The following HDAC4 variants were observed in gnomAD, a reference collection of about 807,000 sequenced individuals.
HDAC4 encodes histone deacetylase A.
HDAC4 carries 16 observed loss-of-function variants against 135.1 expected under a neutral mutation model. That is an observed-to-expected ratio of 0.12 (90% CI 0.08 to 0.18). The LOEUF (loss-of-function observed/expected upper bound fraction) is 0.18, where lower values mean the gene tolerates loss of function less well. HDAC4 is among the 10% of genes least tolerant of loss of function. The pLI is 1.00. For synonymous variants in HDAC4, 685 were observed against 653.4 expected, an observed-to-expected ratio of 1.05 and a Z score of -0.74; for missense variants, 1,143 against 1,511.8, an observed-to-expected ratio of 0.76 and a Z score of 4.05.
chr2:239,178,221 T>C (rs2043897199), intron 4 of HDAC4, among the ~76,000 whole-genome samples: 1 of 152,198 alleles, frequency 6.6e-6, no homozygotes. Context: ...CCGGTCATGG[T>C]CTGTCTGCTG....
intron 2 of HDAC4, among the ~76,000 whole-genome samples, chr2:239,282,818 C>A (rs1477951937): frequency 6.6e-6 from 1 of 151,354 alleles, no homozygotes; most frequent in African/African-American, 2.4e-5. Context: ...ACTCTACACA[C>A]AATGTACACA....
chr2:239,124,520 C>T (rs1221964327), intron 12 of HDAC4, among the ~76,000 whole-genome samples: 4 of 152,172 alleles, frequency 2.6e-5, no homozygotes, highest in African/African-American at 7.2e-5. Context: ...TATGACATTC[C>T]GGCGTGCCGG....
intron 4 of HDAC4, among the ~76,000 whole-genome samples, chr2:239,181,399 G>A (rs2044141020): frequency 1.3e-5 from 2 of 152,262 alleles, no homozygotes; most frequent in East Asian, 3.9e-4. Flanking sequence ...GGAGGCCTGG[G>A]TGGGCCGAGG....
chr2:239,079,663 G>A lies in HDAC4; in HGVS notation c.2750+1432C>T, dbSNP rs183256526. ...TCCTTGTGAAGGGCCTCACCTGCCG[G>A]AGACGTGCATACTCAGGTGCACACG... On this transcript the variant is annotated intron_variant, in intron 22 of 26. Transcript: ENST00000543185. 3.4e-3 allele frequency among the ~76,000 whole-genome samples: 519 copies of A among 152,350 alleles called. 4 individuals carry two copies. Among genetic ancestry groups the A allele is most frequent in the Middle Eastern group, 0.01 (3 of 294 alleles).
At position 239,130,605 on chromosome 2, in the gene HDAC4, G is replaced by C. The variant is rs572838971; in HGVS notation, c.1294+3640C>G. Among the ~76,000 whole-genome samples the C allele has an allele frequency of 1.5e-3, 215 of 139,084 alleles. 1 individual carries two copies. Among genetic ancestry groups the C allele is most frequent in the African/African-American group, 4.9e-3 (197 of 40,246 alleles). The allele number at this position is 139,084 out of a possible 152,430, so 91.2% of individuals were successfully genotyped here. On this transcript the variant is annotated intron_variant, in intron 11 of 26. Transcript: ENST00000543185. ...AGGATGCTAGAAAGATCTGTGACAG[G>C]GCCACCTCCACGAGGCATACACATC... is the stretch of plus-strand genomic sequence containing the variant.
chr2:239,237,053 C>T (rs907093404), intron 2 of HDAC4, among the ~76,000 whole-genome samples: 6 of 152,106 alleles, frequency 3.9e-5, no homozygotes, highest in South Asian at 2.1e-4. Context: ...ACGGTCTGGA[C>T]GCTCACAGAA....
intron 12 of HDAC4, among the ~76,000 whole-genome samples, chr2:239,124,845 G>A (rs113762040): frequency 3.3e-3 from 92 of 27,750 alleles, no homozygotes; most frequent in East Asian, 5.2e-3. Flanking sequence ...GTGCGGCCGC[G>A]TTATATGACA....
chr2:239,365,852 G>C (rs189739564), intron 1 of HDAC4, among the ~76,000 whole-genome samples: 1 of 151,490 alleles, frequency 6.6e-6, no homozygotes. Flanking sequence ...GCACAGATCA[G>C]GGTCATCAGG....
intron 2 of HDAC4, among the ~76,000 whole-genome samples, chr2:239,301,859 G>A (rs1029879781): frequency 6.6e-6 from 1 of 152,142 alleles, no homozygotes; most frequent in African/African-American, 2.4e-5. Context: ...ATTCCTGAAT[G>A]GTAAAAACCT....
intron 24 of HDAC4, among the ~76,000 whole-genome samples, chr2:239,062,688 CTGTT>C (rs141080691): frequency 0.015 from 2,232 of 152,334 alleles, 25 homozygotes; most frequent in South Asian, 0.02. Flanking sequence ...GGGGAAAAGA[CTGTT>C]TGATGTGAAG....
chr2:239,324,246 A>G (rs908789851), intron 2 of HDAC4, among the ~76,000 whole-genome samples: 2 of 152,248 alleles, frequency 1.3e-5, no homozygotes, highest in African/African-American at 4.8e-5. Context: ...TGTAGCCACA[A>G]TTAGCTGAAA....
At chr2:239,374,386 C>CGCTTTTTTTT (rs1694847282) in intron 1 of HDAC4, among the ~76,000 whole-genome samples, 1 of 56,706 alleles carries the variant, frequency 1.8e-5, no homozygotes, top group African/African-American at 7.8e-5. Flanking sequence ...GAAAACAAGG[C>CGCTTTTTTTT]TTTTTTTTTT....
At chr2:239,252,369 T>G (rs2048830307) in intron 2 of HDAC4, among the ~76,000 whole-genome samples, 1 of 152,204 alleles carries the variant, frequency 6.6e-6, no homozygotes, top group Non-Finnish European at 1.5e-5. Context: ...CAAGCCGCAG[T>G]GCCACAGATA....
chr2:239,166,754 A>T (rs964563719), intron 5 of HDAC4, among the ~76,000 whole-genome samples: 2 of 152,208 alleles, frequency 1.3e-5, no homozygotes, highest in Non-Finnish European at 2.9e-5. Context: ...AACTGCCTCC[A>T]CAACTAGGAA....
At chr2:239,221,640 A>G (rs1376233748) in intron 3 of HDAC4, among the ~76,000 whole-genome samples, 1 of 85,938 alleles carries the variant, frequency 1.2e-5, no homozygotes, top group Non-Finnish European at 3.0e-5. Flanking sequence ...ACACACACAC[A>G]CACACACACA....
chr2:239,382,238 A>T (rs1040313182), intron 1 of HDAC4, among the ~76,000 whole-genome samples: 5 of 152,260 alleles, frequency 3.3e-5, no homozygotes, highest in Non-Finnish European at 7.3e-5. Context: ...CCATTTTTTT[A>T]AATGAATAGA....
At chr2:239,119,480 C>CGGGGACCGGAGCTCAGAGCTGAGGGTGT (rs2039436525) in intron 12 of HDAC4, among the ~76,000 whole-genome samples, 2 of 151,504 alleles carry the variant, frequency 1.3e-5, no homozygotes, top group Non-Finnish European at 2.9e-5. Context: ...GCTAAGGGTG[C>CGGGGACCGGAGCTCAGAGCTGAGGGTGT]GGGGACCAGA....
At chr2:239,102,727 T>A in intron 16 of HDAC4, 49 bp downstream of exon 16, 1 of 1,610,358 alleles carries the variant, frequency 6.2e-7, no homozygotes, top group Non-Finnish European at 8.5e-7. Flanking sequence ...AAACACAACC[T>A]CAGGGGACTT....
At chr2:239,322,383 C>G (rs1212488486) in intron 2 of HDAC4, among the ~76,000 whole-genome samples, 1 of 152,250 alleles carries the variant, frequency 6.6e-6, no homozygotes, top group East Asian at 1.9e-4. Context: ...TTCTCAATGC[C>G]TCTGTTTTCT....
Sources: allele counts gnomAD v4.1 joint callset (sites outside exome capture counted in the v4.1 genomes callset), GRCh38; gene constraint gnomAD v4.1.1; transcripts MANE v1.5; gene names NCBI Gene and HGNC (gene_info 2026-07-23, HGNC 2026-07-21).